MGAT4C: variants seen among roughly 807,000 people sequenced by gnomAD.
MGAT4C encodes the protein MGAT4 family member C, also known as alpha-1,3-mannosyl-glycoprotein 4-beta-N-acetylglucosaminyltransferase C.
MGAT4C carries 19 observed loss-of-function variants against 40.1 expected under a neutral mutation model. The observed-to-expected ratio is 0.47, with a 90% CI of 0.33 to 0.70. The LOEUF is 0.70. Ranked by LOEUF, MGAT4C falls within the 30% of genes least tolerant of loss-of-function variation. MGAT4C has a pLI of 0.02. For missense variants in MGAT4C, 491 were observed against 563.2 expected (o/e 0.87, Z 1.30); for synonymous variants, 181 against 187.1 (o/e 0.97, Z 0.27).
At position 85,978,382 on chromosome 12, in the gene MGAT4C, T is replaced by C. The variant is rs1023987758; in HGVS notation, c.*907A>G. Reference sequence around the variant, plus strand: ...TCCTTTATAATATACCCATTTAAATTCCAAAAAGGTATATGATAAATCACA... The same window carrying C: ...TCCTTTATAATATACCCATTTAAATCCCAAAAAGGTATATGATAAATCACA... On this transcript the variant is annotated 3_prime_UTR_variant, in exon 5 of 5. Transcript: ENST00000611864. 6.6e-6 allele frequency: 1 copy of C among 151,764 alleles called. No individual in the cohort carries two copies. The highest frequency in any genetic ancestry group is 2.4e-5 in the African/African-American group (1 of 41,396). The allele number at this position is 151,764 out of a possible 1,614,324, so 9.4% of individuals were successfully genotyped here.
At chr12:86,677,421 G>A (rs1388391458) in intron 2 of MGAT4C, among the ~76,000 whole-genome samples, 1 of 152,080 alleles carries the variant, frequency 6.6e-6, no homozygotes, top group Non-Finnish European at 1.5e-5. Flanking sequence ...ACTCAAAAAT[G>A]TGCTTGCTAG....
chr12:86,603,984 T>C (rs1464676071), intron 2 of MGAT4C, among the ~76,000 whole-genome samples: 1 of 151,354 alleles, frequency 6.6e-6, no homozygotes, highest in Non-Finnish European at 1.5e-5. Context: ...GAACATGATA[T>C]TATACATTAC....
chr12:86,086,231 C>T (rs1240341426), intron 1 of MGAT4C, among the ~76,000 whole-genome samples: 1 of 152,052 alleles, frequency 6.6e-6, no homozygotes, highest in Non-Finnish European at 1.5e-5. Context: ...GAGTTCATGT[C>T]TTTTGCAAGG....
At chr12:86,540,851 C>CT (rs1272174499) in intron 2 of MGAT4C, among the ~76,000 whole-genome samples, 3 of 151,956 alleles carry the variant, frequency 2.0e-5, no homozygotes, top group African/African-American at 7.3e-5. Context: ...GTTCGTTTTC[C>CT]TTTTAAGCCA....
In MGAT4C at chr12:86,456,310, A is replaced by G. The variant is rs1005263827; in HGVS notation, c.-228-21045T>C. Among the ~76,000 whole-genome samples, 3 of 152,092 alleles carry G rather than the reference A, an allele frequency of 2.0e-5. No individual in the cohort carries two copies. In the East Asian group the frequency reaches 5.8e-4, roughly 29 times the overall value. On this transcript the variant is annotated intron_variant, in intron 2 of 7. Coordinates refer to the MGAT4C transcript ENST00000548651. ...ATAAAAAAAATTTGGGCAGCGGAAG[A>G]GCCACATAATCAACGTTAGTTATCG...
At chr12:86,187,316 TTTTG>T (rs1463224118) in intron 1 of MGAT4C, among the ~76,000 whole-genome samples, 3 of 152,052 alleles carry the variant, frequency 2.0e-5, no homozygotes, top group African/African-American at 4.8e-5. Context: ...AATCTTCCCT[TTTTG>T]TTTATTTAGT....
chr12:86,737,342 C>CTTTTTTTTTTTTTTTTTTTTTTTT (rs36112885), intron 1 of MGAT4C, among the ~76,000 whole-genome samples: 1 of 131,214 alleles, frequency 7.6e-6, no homozygotes, highest in Non-Finnish European at 1.6e-5. Context: ...AACTAAAATA[C>CTTTTTTTTTTTTTTTTTTTTTTTT]TTTTTTTTTT....
chr12:86,435,263 T>C (rs1957116501), exon 3 of MGAT4C: 1 of 151,902 alleles, frequency 6.6e-6, no homozygotes, highest in Non-Finnish European at 1.5e-5. Flanking sequence ...TGATCTCCAG[T>C]TCCTGCACAA....
At chr12:86,516,278 T>C (rs1457041204) in intron 2 of MGAT4C, among the ~76,000 whole-genome samples, 1 of 152,174 alleles carries the variant, frequency 6.6e-6, no homozygotes, top group African/African-American at 2.4e-5. Flanking sequence ...TAATTGAGAT[T>C]CCAAGTATAA....
intron 2 of MGAT4C, among the ~76,000 whole-genome samples, chr12:86,646,978 C>T (rs1963557761): frequency 6.6e-6 from 1 of 151,922 alleles, no homozygotes; most frequent in Non-Finnish European, 1.5e-5. Flanking sequence ...CAGAGGCTTT[C>T]AAAGTGGTTG....
At chr12:86,360,346 A>T (rs140278226) in intron 3 of MGAT4C, among the ~76,000 whole-genome samples, 3 of 152,354 alleles carry the variant, frequency 2.0e-5, no homozygotes, top group African/African-American at 7.2e-5. Flanking sequence ...CAAAACAATA[A>T]GAGCTATTTA....
intron 1 of MGAT4C, among the ~76,000 whole-genome samples, chr12:86,228,975 T>A (rs1409776439): frequency 6.6e-6 from 1 of 151,846 alleles, no homozygotes; most frequent in Non-Finnish European, 1.5e-5. Flanking sequence ...TCTGGAGGGA[T>A]CATGAAATGT....
At chr12:86,163,851 T>C (rs746928036) in intron 1 of MGAT4C, among the ~76,000 whole-genome samples, 57 of 152,324 alleles carry the variant, frequency 3.7e-4, no homozygotes, top group African/African-American at 1.3e-3. Context: ...CAAATCCTTA[T>C]TAGGAAACTT....
At chr12:86,744,489 T>G (rs1038032243) in intron 1 of MGAT4C, among the ~76,000 whole-genome samples, 3 of 151,428 alleles carry the variant, frequency 2.0e-5, no homozygotes, top group African/African-American at 7.3e-5. Context: ...TCCAAGTTCA[T>G]AGTACATTTT....
intron 1 of MGAT4C, among the ~76,000 whole-genome samples, chr12:86,071,887 T>C (rs563967792): frequency 2.0e-5 from 3 of 152,272 alleles, no homozygotes; most frequent in Admixed American, 6.5e-5. Flanking sequence ...AGAATAATTA[T>C]TGAACACCTT....
chr12:86,785,924 A>G (rs1004202782), intron 1 of MGAT4C, among the ~76,000 whole-genome samples: 2 of 152,028 alleles, frequency 1.3e-5, no homozygotes, highest in East Asian at 1.9e-4. Context: ...AAAAACCAGT[A>G]TGCAACTTAA....
At chr12:86,285,887 C>T (rs1000941698) in intron 4 of MGAT4C, among the ~76,000 whole-genome samples, 3 of 151,726 alleles carry the variant, frequency 2.0e-5, no homozygotes, top group African/African-American at 7.3e-5. Flanking sequence ...TCTTTAATGA[C>T]ATAAAAATGC....
intron 4 of MGAT4C, among the ~76,000 whole-genome samples, chr12:86,293,937 T>C (rs1367742886): frequency 1.3e-5 from 2 of 152,174 alleles, no homozygotes; most frequent in Non-Finnish European, 2.9e-5. Flanking sequence ...ACTAAACCTC[T>C]TTCCTTTATG....
At chr12:86,035,341 C>CT in intron 2 of MGAT4C, among the ~76,000 whole-genome samples, 1 of 150,232 alleles carries the variant, frequency 6.7e-6, no homozygotes, top group East Asian at 1.9e-4. Flanking sequence ...TGATGATGAA[C>CT]TTTTTTTCAT....
Sources: allele counts gnomAD v4.1 joint callset (sites outside exome capture counted in the v4.1 genomes callset), GRCh38; gene constraint gnomAD v4.1.1; transcripts MANE v1.5; gene names NCBI Gene and HGNC (gene_info 2026-07-23, HGNC 2026-07-21).